The following SPTLC2 variants were observed in gnomAD, a reference collection of about 807,000 sequenced individuals.
SPTLC2 encodes serine palmitoyltransferase 2.
A neutral mutation model predicts 62.0 loss-of-function variants in SPTLC2; 21 were observed. The ratio of observed to expected loss-of-function variants is 0.34; its 90% CI spans 0.24 to 0.49. The LOEUF is 0.49. Among genes scored for constraint, SPTLC2 ranks in the 20% least tolerant of loss-of-function variants. The pLI is 0.99. For synonymous variants in SPTLC2, 261 were observed against 261.8 expected, an observed-to-expected ratio of 1.00 and a Z score of 0.03; for missense variants, 511 against 713.0, an observed-to-expected ratio of 0.72 and a Z score of 3.23.
At chr14:77,521,085 T>A (rs2079382777) in intron 10 of SPTLC2, among the ~76,000 whole-genome samples, 1 of 152,202 alleles carries the variant, frequency 6.6e-6, no homozygotes, top group South Asian at 2.1e-4. Context: ...TCCTGCTCTA[T>A]TTTTTTCCAT....
At chr14:77,539,101 C>A (rs1045112843) in intron 9 of SPTLC2, among the ~76,000 whole-genome samples, 8 of 151,642 alleles carry the variant, frequency 5.3e-5, no homozygotes, top group Non-Finnish European at 7.4e-5. Flanking sequence ...CTTAAACAAA[C>A]GGTCTTTAAA....
intron 9 of SPTLC2, among the ~76,000 whole-genome samples, chr14:77,529,616 CTTTCT>C (rs1444136820): frequency 2.4e-5 from 2 of 83,468 alleles, no homozygotes; most frequent in South Asian, 5.0e-4. Context: ...CAATTTCTTT[CTTTCT>C]TTTTTTTTTT....
At chr14:77,541,633 C>A (rs1210554643) in intron 9 of SPTLC2, among the ~76,000 whole-genome samples, 4 of 152,162 alleles carry the variant, frequency 2.6e-5, no homozygotes, top group African/African-American at 4.8e-5. Flanking sequence ...TCAATGGTCA[C>A]TTTCTTTGAA....
chr14:77,605,180 A>AT (rs111975578), intron 1 of SPTLC2, among the ~76,000 whole-genome samples: 5,112 of 142,954 alleles, frequency 0.036, 276 homozygotes, highest in African/African-American at 0.12. Flanking sequence ...TACCTGGTTA[A>AT]TTTTTTTTTT....
chr14:77,581,230 G>A (rs763193974), intron 2 of SPTLC2, among the ~76,000 whole-genome samples: 1 of 152,134 alleles, frequency 6.6e-6, no homozygotes, highest in Non-Finnish European at 1.5e-5. Context: ...GCCTTATTCT[G>A]TAAAAGATTT....
chr14:77,529,848 C>T (rs1343184373), intron 9 of SPTLC2, among the ~76,000 whole-genome samples: 2 of 151,700 alleles, frequency 1.3e-5, no homozygotes, highest in Non-Finnish European at 1.5e-5. Flanking sequence ...GTCTCAAACT[C>T]CTGGGCTAAT....
intron 9 of SPTLC2, among the ~76,000 whole-genome samples, chr14:77,529,487 A>C (rs1298194456): frequency 6.6e-6 from 1 of 151,966 alleles, no homozygotes; most frequent in Non-Finnish European, 1.5e-5. Context: ...TTCAAAGGCT[A>C]TTACCAAAGT....
intron 4 of SPTLC2, among the ~76,000 whole-genome samples, chr14:77,575,007 A>G (rs549442997): frequency 6.6e-6 from 1 of 152,324 alleles, no homozygotes; most frequent in African/African-American, 2.4e-5. Flanking sequence ...CAGGATTTCA[A>G]GAACACCCTG....
intron 9 of SPTLC2, among the ~76,000 whole-genome samples, chr14:77,551,804 G>A (rs1420951525): frequency 1.3e-5 from 2 of 152,148 alleles, no homozygotes; most frequent in African/African-American, 4.8e-5. Flanking sequence ...ATAAAATTAT[G>A]TAATTCAAGA....
At chr14:77,579,506 T>C (rs2079735851) in intron 2 of SPTLC2, among the ~76,000 whole-genome samples, 1 of 152,168 alleles carries the variant, frequency 6.6e-6, no homozygotes, top group African/African-American at 2.4e-5. Context: ...CCCAGGACTT[T>C]AGAAAGCCAA....
Position 77,511,880 on chromosome 14 carries a change from T to G in SPTLC2, c.*404A>C. 3.8e-6 allele frequency: 1 copy of G among 266,386 alleles called. No homozygotes were observed. Among genetic ancestry groups the G allele is most frequent in the Non-Finnish European group, 7.4e-6 (1 of 135,766 alleles). The allele number at this position is 266,386 out of a possible 1,614,324, so 16.5% of individuals were successfully genotyped here. On this transcript the variant is annotated 3_prime_UTR_variant, in exon 12 of 12. Coordinates refer to ENST00000216484, the MANE Select transcript of SPTLC2 (RefSeq NM_004863.4). ...TTGCTCCCTAGGGAGGAGGGCCAGG[T>G]AAGTATCCAGGCTGCGGAGCCAGGG... is the stretch of plus-strand genomic sequence containing the variant.
intron 5 of SPTLC2, among the ~76,000 whole-genome samples, chr14:77,563,436 A>G (rs1334146784): frequency 2.6e-5 from 4 of 151,918 alleles, no homozygotes; most frequent in Admixed American, 1.3e-4. Context: ...TATTGTGTGT[A>G]TGTGTGTGTG....
intron 9 of SPTLC2, among the ~76,000 whole-genome samples, chr14:77,545,772 T>C (rs569175870): frequency 3.9e-5 from 6 of 152,288 alleles, no homozygotes; most frequent in African/African-American, 1.4e-4. Flanking sequence ...CAACAAACAA[T>C]AGACACTGGG....
chr14:77,571,372 T>C (rs1292368131), intron 4 of SPTLC2, among the ~76,000 whole-genome samples: 2 of 152,032 alleles, frequency 1.3e-5, no homozygotes, highest in East Asian at 3.9e-4. Context: ...TAGCCAGGCA[T>C]GGTGGCGTGT....
At chr14:77,523,718 G>C (rs1298440280) in intron 9 of SPTLC2, among the ~76,000 whole-genome samples, 1 of 152,008 alleles carries the variant, frequency 6.6e-6, no homozygotes, top group Non-Finnish European at 1.5e-5. Flanking sequence ...CCTCAGAAGG[G>C]GACTCTACTC....
chr14:77,616,438 C>A lies in SPTLC2; in HGVS notation c.132+10G>T, dbSNP rs1380707713. 9 of 1,437,354 alleles carry A rather than the reference C, an allele frequency of 6.3e-6. No individual in the cohort carries two copies. The highest frequency in any genetic ancestry group is 8.2e-6 in the Non-Finnish European group (9 of 1,097,290). The allele number at this position is 1,437,354 out of a possible 1,614,324, so 89.0% of individuals were successfully genotyped here. On this transcript the variant is annotated intron_variant, in intron 1 of 11. Transcript: ENST00000216484. Reference sequence around the variant, plus strand: ...CGCCACCCCGGCCCCGCCGCGCGGGCCCCTCGTACCTGGCCGGCGGCGGCT... The same window carrying A: ...CGCCACCCCGGCCCCGCCGCGCGGGACCCTCGTACCTGGCCGGCGGCGGCT...
intron 1 of SPTLC2, among the ~76,000 whole-genome samples, chr14:77,606,560 A>G (rs934360619): frequency 2.0e-5 from 3 of 152,182 alleles, no homozygotes; most frequent in African/African-American, 7.2e-5. Context: ...AACTACAAAA[A>G]TAATTTTTCA....
intron 9 of SPTLC2, among the ~76,000 whole-genome samples, chr14:77,531,442 TTC>T: frequency 7.3e-6 from 1 of 137,716 alleles, no homozygotes; most frequent in African/African-American, 3.0e-5. Flanking sequence ...CTTCTTCTTC[TTC>T]TCCTCCTTCT....
chr14:77,530,599 A>G (rs993048797), intron 9 of SPTLC2, among the ~76,000 whole-genome samples: 1 of 152,164 alleles, frequency 6.6e-6, no homozygotes, highest in Non-Finnish European at 1.5e-5. Context: ...AGATCTTTCA[A>G]TACACCATAT....
Sources: gnomAD v4.1 joint callset for allele counts (sites outside exome capture counted in the v4.1 genomes callset) on GRCh38, gnomAD v4.1.1 for gene constraint, MANE v1.5 for transcripts, NCBI Gene and HGNC (gene_info 2026-07-23, HGNC 2026-07-21) for gene names.